Variants in OPCML observed in about 807,000 individuals in gnomAD.
OPCML encodes the protein opioid-binding protein/cell adhesion molecule.
In OPCML, 13 loss-of-function variants were observed where a neutral mutation model predicts 37.8. The observed-to-expected ratio is 0.34, with a 90% CI of 0.22 to 0.55. OPCML has a LOEUF of 0.55. Among genes scored for constraint, OPCML ranks in the 20% least tolerant of loss-of-function variants. The probability of loss-of-function intolerance (pLI) is 0.91; values close to 1 mark genes in which losing one functional copy is unlikely to be tolerated. For missense variants in OPCML, 341 were observed against 435.6 expected (o/e 0.78, Z 1.93); for synonymous variants, 176 against 168.8 (o/e 1.04, Z -0.33).
At chr11:132,614,562 C>T (rs191245805) in intron 3 of OPCML, among the ~76,000 whole-genome samples, 2 of 152,202 alleles carry the variant, frequency 1.3e-5, no homozygotes, top group Non-Finnish European at 2.9e-5. Flanking sequence ...TCTCTCCCCA[C>T]GAATGAGCTG....
Position 133,502,859 on chromosome 11 carries a change from G to A in OPCML, c.61+29405C>T, listed in dbSNP as rs144199151. Among the ~76,000 whole-genome samples the A allele has an allele frequency of 4.8e-3, 735 of 152,286 alleles. 6 individuals are homozygous for A. The highest frequency in any genetic ancestry group is 0.016 in the African/African-American group (664 of 41,550). ...AGCCCCTCACCTATGACAGAAGAAG[G>A]CCTTCTGGATGGGACTGAGGAGGGC... On this transcript the variant is annotated intron_variant, in intron 1 of 7. Transcript: ENST00000524381.
At chr11:132,761,228 AC>A (rs1946249799) in intron 2 of OPCML, among the ~76,000 whole-genome samples, 1 of 126,964 alleles carries the variant, frequency 7.9e-6, no homozygotes, top group Non-Finnish European at 1.7e-5. Flanking sequence ...GCTGCGCTTA[AC>A]TTTTTTTTTT....
intron 1 of OPCML, among the ~76,000 whole-genome samples, chr11:133,071,520 G>A (rs1202758938): frequency 6.6e-6 from 1 of 152,124 alleles, no homozygotes; most frequent in Non-Finnish European, 1.5e-5. Context: ...GGAATAGCAG[G>A]GGCTTAAGGA....
rs575948173 is a variant in OPCML, at chr11:132,718,764, C to T, written c.147-61445G>A. On this transcript the variant is annotated intron_variant, in intron 2 of 7. Coordinates refer to ENST00000524381, the MANE Select transcript of OPCML (RefSeq NM_001012393.5). The stretch of plus-strand genomic sequence containing the variant: ...TCCTTACTAAATGAAGCCCCGTGTT[C>T]CTACTCCAGCCCCAGGTTTCAGGAA... Among the ~76,000 whole-genome samples the T allele has an allele frequency of 2.0e-5, 3 of 152,292 alleles. No individual in the cohort carries two copies. The East Asian group carries it at 5.8e-4, about 29-fold the overall frequency.
chr11:133,328,335 T>A (rs1943529777), intron 1 of OPCML, among the ~76,000 whole-genome samples: 1 of 151,998 alleles, frequency 6.6e-6, no homozygotes, highest in Admixed American at 6.6e-5. Flanking sequence ...TTTTTGCATT[T>A]TTAGTAGAGA....
intron 1 of OPCML, among the ~76,000 whole-genome samples, chr11:133,201,744 G>A (rs1286671953): frequency 6.6e-6 from 1 of 152,182 alleles, no homozygotes; most frequent in Non-Finnish European, 1.5e-5. Flanking sequence ...TTGTTCTCAT[G>A]CTGTGTCTCC....
chr11:133,528,551 C>T (rs1948536241), intron 1 of OPCML, among the ~76,000 whole-genome samples: 1 of 152,208 alleles, frequency 6.6e-6, no homozygotes, highest in Admixed American at 6.5e-5. Context: ...AGCCTGCCCC[C>T]AGGCCTTACC....
intron 2 of OPCML, among the ~76,000 whole-genome samples, chr11:132,796,636 C>T (rs934878499): frequency 1.3e-4 from 18 of 140,184 alleles, no homozygotes; most frequent in East Asian, 4.2e-4. Flanking sequence ...TGCAGTGGCA[C>T]GATCTCGGCT....
chr11:132,738,711 A>G (rs1945336726), intron 2 of OPCML, among the ~76,000 whole-genome samples: 1 of 152,198 alleles, frequency 6.6e-6, no homozygotes, highest in Non-Finnish European at 1.5e-5. Context: ...GGTGTTTTGA[A>G]AACACAAGAC....
chr11:133,184,277 T>C (rs1223215428), intron 1 of OPCML, among the ~76,000 whole-genome samples: 2 of 152,168 alleles, frequency 1.3e-5, no homozygotes, highest in African/African-American at 4.8e-5. Flanking sequence ...GGAAAAAAGG[T>C]AACTGCTGTA....
At chr11:133,082,870 C>G (rs916142053) in intron 1 of OPCML, among the ~76,000 whole-genome samples, 20 of 150,106 alleles carry the variant, frequency 1.3e-4, no homozygotes, top group Admixed American at 4.0e-4. Flanking sequence ...CCCTCCGAGC[C>G]GACCTCGTCC....
intron 1 of OPCML, among the ~76,000 whole-genome samples, chr11:133,240,004 T>A (rs1292458346): frequency 1.3e-5 from 2 of 151,764 alleles, no homozygotes; most frequent in African/African-American, 4.8e-5. Context: ...GGGAAAAAAA[T>A]TTTCGATTTG....
chr11:132,458,260 C>T (rs140118189), intron 4 of OPCML, among the ~76,000 whole-genome samples: 1 of 152,128 alleles, frequency 6.6e-6, no homozygotes, highest in Non-Finnish European at 1.5e-5. Flanking sequence ...GAACCCCACT[C>T]GGACCCAACT....
chr11:132,514,187 A>C (rs936667572), intron 4 of OPCML, among the ~76,000 whole-genome samples: 6 of 152,170 alleles, frequency 3.9e-5, no homozygotes, highest in African/African-American at 7.2e-5. Flanking sequence ...CATGTCAATA[A>C]ATTTAAAGGA....
At chr11:133,060,190 T>C (rs1170204359) in intron 1 of OPCML, among the ~76,000 whole-genome samples, 1 of 146,156 alleles carries the variant, frequency 6.8e-6, no homozygotes, top group Non-Finnish European at 1.5e-5. Flanking sequence ...CTCCCTCTCC[T>C]TCTCCCTCTC....
intron 1 of OPCML, among the ~76,000 whole-genome samples, chr11:133,448,161 T>A (rs1318421188): frequency 6.6e-6 from 1 of 152,266 alleles, no homozygotes; most frequent in Non-Finnish European, 1.5e-5. Flanking sequence ...AGAAGTTTTA[T>A]AGTTTTAACT....
At chr11:133,170,787 C>T (rs1430212519) in intron 1 of OPCML, among the ~76,000 whole-genome samples, 1 of 152,186 alleles carries the variant, frequency 6.6e-6, no homozygotes, top group Non-Finnish European at 1.5e-5. Flanking sequence ...GAAAGGTCTA[C>T]CTGGAGCCAC....
chr11:132,442,706 G>A (rs560094721), intron 4 of OPCML, among the ~76,000 whole-genome samples: 3 of 152,276 alleles, frequency 2.0e-5, no homozygotes, highest in Admixed American at 6.5e-5. Flanking sequence ...CCATACTGTA[G>A]TCTTGGTAGT....
chr11:133,128,038 C>G (rs2137130424), intron 1 of OPCML, among the ~76,000 whole-genome samples: 1 of 152,220 alleles, frequency 6.6e-6, no homozygotes, highest in African/African-American at 2.4e-5. Flanking sequence ...ACTGTTTTCC[C>G]TTGAGTTTTT....
Sources: gnomAD v4.1 joint callset for allele counts (sites outside exome capture counted in the v4.1 genomes callset) on GRCh38, gnomAD v4.1.1 for gene constraint, MANE v1.5 for transcripts, NCBI Gene and HGNC (gene_info 2026-07-23, HGNC 2026-07-21) for gene names.